Variants in CNKSR3 observed in about 807,000 individuals in gnomAD.
The protein encoded by CNKSR3 is connector enhancer of kinase suppressor of ras 3.
In CNKSR3, 36 loss-of-function variants were observed where a neutral mutation model predicts 67.7. The ratio of observed to expected loss-of-function variants is 0.53; its 90% CI spans 0.41 to 0.70. The LOEUF is 0.70. Ranked by LOEUF, CNKSR3 falls within the 30% of genes least tolerant of loss-of-function variation. CNKSR3 has a pLI of 0.00. For missense variants in CNKSR3, 630 were observed against 695.2 expected (o/e 0.91, Z 1.05); for synonymous variants, 281 against 271.4 (o/e 1.04, Z -0.35).
intron 1 of CNKSR3, among the ~76,000 whole-genome samples, chr6:154,506,679 A>G (rs6557363): frequency 0.2 from 30,462 of 152,176 alleles, 3,190 homozygotes; most frequent in African/African-American, 0.24. Flanking sequence ...ATGGAACCCC[A>G]ATTTGGTTAA....
Position 154,492,766 on chromosome 6 carries a change from CA to C in CNKSR3, c.52+17296del, listed in dbSNP as rs1296625664. On this transcript the variant is annotated intron_variant, in intron 1 of 12. Coordinates refer to ENST00000607772, the MANE Select transcript of CNKSR3 (RefSeq NM_173515.4). ...GTCTCAAAAAAAAAAAAACAAAAAA[CA>C]AAAAAAAAAACAACACAGATCTTTC... is the stretch of plus-strand genomic sequence containing the variant. Among the ~76,000 whole-genome samples the C allele has an allele frequency of 6.3e-3, 882 of 140,470 alleles. 5 individuals carry two copies. The highest frequency in any genetic ancestry group is 9.2e-3 in the Non-Finnish European group (593 of 64,410). 92.2% of individuals were successfully genotyped at this position (140,470 alleles called of 152,430 possible).
chr6:154,482,552 TAA>T (rs575294975), intron 1 of CNKSR3, among the ~76,000 whole-genome samples: 110 of 152,362 alleles, frequency 7.2e-4, no homozygotes, highest in African/African-American at 2.5e-3. Context: ...GAGAAATCGT[TAA>T]GACAGTATTC....
chr6:154,406,565 C>T lies in CNKSR3; in HGVS notation c.1457G>A (p.Arg486Lys). Residue 486 changes from arginine (R) to lysine (K), a missense_variant, in exon 13 of 13, where the codon AGA becomes AAA. By Grantham distance (26) the Arg-to-Lys change is conservative. Transcript: ENST00000607772. ...GACCAGATGCCGCTCGGTCGTGGGT[C>T]TGGAGAACCGGTATGGGGGAGAGGA... The part of the protein sequence containing the change: ...ESSSPPYRFS[R>K]PTTERHLVRG... The T allele has an allele frequency of 6.2e-7, 1 of 1,614,200 alleles. No homozygotes were observed.
At chr6:154,465,095 C>T (rs188534151) in intron 1 of CNKSR3, among the ~76,000 whole-genome samples, 7 of 132,090 alleles carry the variant, frequency 5.3e-5, no homozygotes, top group Admixed American at 2.6e-4. Context: ...GAGCTGCGAT[C>T]GTGCCATTGC....
chr6:154,497,034 C>T (rs866205071), intron 1 of CNKSR3, among the ~76,000 whole-genome samples: 1 of 151,902 alleles, frequency 6.6e-6, no homozygotes, highest in Non-Finnish European at 1.5e-5. Flanking sequence ...ATTGTGAAGG[C>T]GAAATGAGAT....
intron 3 of CNKSR3, among the ~76,000 whole-genome samples, chr6:154,441,670 T>C (rs75045626): frequency 0.012 from 1,831 of 152,258 alleles, 37 homozygotes; most frequent in African/African-American, 0.041. Flanking sequence ...TAAATTAGTT[T>C]TTATTTAACT....
intron 1 of CNKSR3, among the ~76,000 whole-genome samples, chr6:154,465,272 G>A (rs778489054): frequency 1.3e-5 from 2 of 151,596 alleles, no homozygotes; most frequent in Non-Finnish European, 2.9e-5. Context: ...CAATAGGGTC[G>A]ATCTATCTTA....
chr6:154,451,786 G>A (rs1028013024), intron 1 of CNKSR3, among the ~76,000 whole-genome samples: 3 of 152,128 alleles, frequency 2.0e-5, no homozygotes, highest in African/African-American at 7.2e-5. Flanking sequence ...ATAGGAAGAG[G>A]AAGTAATAAA....
In CNKSR3 at chr6:154,450,156, C is replaced by T. The variant is rs774206603; in HGVS notation, c.155G>A (p.Gly52Glu). 1.9e-6 allele frequency: 3 copies of T among 1,614,146 alleles called. No homozygotes were observed. The highest frequency in any genetic ancestry group is 2.5e-6 in the Non-Finnish European group (3 of 1,180,012). ...CTCCTGGTGTCCAATCCGTGTGACC[C>T]CCAGCTCCTCCAGGTCCTGATGGGA... is the stretch of plus-strand genomic sequence containing the variant. ...QISHQDLEELGVTRIGHQELV... is the reference protein window; with the variant it reads ...QISHQDLEELEVTRIGHQELV... The change falls in exon 2 of 13, where the codon GGG becomes GAG. Residue 52 changes from glycine (G) to glutamate (E), a missense_variant. Around this residue, in one of 3 missense-constraint regions of CNKSR3, gnomAD observed 189 missense variants for 205.0 expected, o/e 0.92. Transcript: ENST00000607772.
chr6:154,395,134 C>T lies in CNKSR3; in HGVS notation c.*11220G>A, dbSNP rs1784646441. Reference sequence around the variant, plus strand: ...TCCTGGCAAGCTTAGGACGCGTGCTCCCCCTGCAAGGAGAGAAGGAAAAAG... The same window carrying T: ...TCCTGGCAAGCTTAGGACGCGTGCTTCCCCTGCAAGGAGAGAAGGAAAAAG... On this transcript the variant is annotated 3_prime_UTR_variant, in exon 13 of 13. Transcript: ENST00000607772. 6.6e-6 allele frequency: 1 copy of T among 152,192 alleles called. No homozygotes were observed. The highest frequency in any genetic ancestry group is 2.4e-5 in the African/African-American group (1 of 41,426). The allele number at this position is 152,192 out of a possible 1,614,324, so 9.4% of individuals were successfully genotyped here.
rs1784714937 is a variant in CNKSR3 at position 154,401,251 on chromosome 6, T to C, written c.*5103A>G. 6.6e-6 allele frequency: 1 copy of C among 152,212 alleles called. No homozygotes were observed. Among genetic ancestry groups the C allele is most frequent in the Admixed American group, 6.5e-5 (1 of 15,280 alleles). The allele number at this position is 152,212 out of a possible 1,614,324, so 9.4% of individuals were successfully genotyped here. ...CAATGGTATTAGGAGGCGGAGCTAATACCATAAGTGGGCCTTTGGGAAGTG... is the reference window on the plus strand; with the variant it reads ...CAATGGTATTAGGAGGCGGAGCTAACACCATAAGTGGGCCTTTGGGAAGTG... On this transcript the variant is annotated 3_prime_UTR_variant, in exon 13 of 13. Transcript: ENST00000607772.
intron 1 of CNKSR3, among the ~76,000 whole-genome samples, chr6:154,470,607 G>A (rs2114626721): frequency 6.6e-6 from 1 of 152,252 alleles, no homozygotes; most frequent in African/African-American, 2.4e-5. Context: ...GTTGCAGCCT[G>A]CACCAGTACT....
Position 154,403,926 on chromosome 6 carries a change from A to G in CNKSR3, c.*2428T>C, listed in dbSNP as rs1273145314. 1 of 152,236 alleles carries G rather than the reference A, an allele frequency of 6.6e-6. No homozygotes were observed. Among genetic ancestry groups the G allele is most frequent in the African/African-American group, 2.4e-5 (1 of 41,460 alleles). The allele number at this position is 152,236 out of a possible 1,614,324, so 9.4% of individuals were successfully genotyped here. A position where few individuals can be genotyped will look rare whatever the true frequency, so the allele number is the denominator to read the frequency against. Reference sequence around the variant, plus strand: ...ATCATCCAGTGGAACTACAGCTCTTAGAGTTCTCCCCACAATCTGGGGAGT... The same window carrying G: ...ATCATCCAGTGGAACTACAGCTCTTGGAGTTCTCCCCACAATCTGGGGAGT... On this transcript the variant is annotated 3_prime_UTR_variant, in exon 13 of 13. Coordinates refer to ENST00000607772, the MANE Select transcript of CNKSR3 (RefSeq NM_173515.4).
chr6:154,454,834 AT>A (rs1452544859), intron 1 of CNKSR3, among the ~76,000 whole-genome samples: 4 of 151,894 alleles, frequency 2.6e-5, no homozygotes, highest in Non-Finnish European at 4.4e-5. Flanking sequence ...AAAAAAAAAA[AT>A]AATAATAAAA....
rs1311683244 is a variant in CNKSR3 at position 154,394,038 on chromosome 6, G to A, written c.*12316C>T. 1 of 152,162 alleles carries A rather than the reference G, an allele frequency of 6.6e-6. No homozygotes were observed. Among genetic ancestry groups the A allele is most frequent in the Non-Finnish European group, 1.5e-5 (1 of 68,046 alleles). The allele number at this position is 152,162 out of a possible 1,614,324, so 9.4% of individuals were successfully genotyped here. A position where few individuals can be genotyped will look rare whatever the true frequency, so the allele number is the denominator to read the frequency against. On this transcript the variant is annotated 3_prime_UTR_variant, in exon 13 of 13. Coordinates refer to ENST00000607772, the MANE Select transcript of CNKSR3 (RefSeq NM_173515.4). ...GATTGTCATTTCTTTTCTTTTGTGA[G>A]ATGAGGGTTTTGCTTTGTCATCCAG...
chr6:154,406,097 T>C lies in CNKSR3; in HGVS notation c.*257A>G. On this transcript the variant is annotated 3_prime_UTR_variant, in exon 13 of 13. Transcript: ENST00000607772. Reference sequence around the variant, plus strand: ...TTCTAGCGCGTGTCTTCACATTCTATCTCTGGGGAAGCAAGACAAACAGGC... The same window carrying C: ...TTCTAGCGCGTGTCTTCACATTCTACCTCTGGGGAAGCAAGACAAACAGGC... The C allele has an allele frequency of 6.3e-6, 3 of 473,116 alleles. 1 individual carries two copies. The South Asian group carries it at 8.4e-5, about 13-fold the overall frequency. 29.3% of individuals were successfully genotyped at this position (473,116 alleles called of 1,614,324 possible).
intron 7 of CNKSR3, among the ~76,000 whole-genome samples, chr6:154,425,437 G>T (rs1785236293): frequency 6.6e-6 from 1 of 152,172 alleles, no homozygotes; most frequent in African/African-American, 2.4e-5. Context: ...CCAAAATTCT[G>T]CCCAGGGCAG....
At chr6:154,435,759 C>A (rs1208871472) in intron 4 of CNKSR3, among the ~76,000 whole-genome samples, 4 of 152,254 alleles carry the variant, frequency 2.6e-5, no homozygotes, top group Admixed American at 2.6e-4. Flanking sequence ...AGAGGCCCAG[C>A]CTGGGTGGCA....
chr6:154,430,560 G>T lies in CNKSR3; in HGVS notation c.581C>A (p.Thr194Lys). 1 of 1,611,816 alleles carries T rather than the reference G, an allele frequency of 6.2e-7. No individual in the cohort carries two copies. The highest frequency in any genetic ancestry group is 8.5e-7 in the Non-Finnish European group (1 of 1,179,206). ...VKVLNGICDK[T>K]IRSTTDPVMS... is the part of the protein sequence containing the mutation. ...CACAGGATCTGTGGTAGATCGGATT[G>T]TTTTGTCACAGATGCCATTTAAAAC... The change falls in exon 6 of 13, where the codon ACA becomes AAA. Residue 194 changes from threonine (T) to lysine (K), a missense_variant. By Grantham distance (78) the Thr-to-Lys change is moderately conservative (BLOSUM62 -1). Coordinates refer to ENST00000607772, the MANE Select transcript of CNKSR3 (RefSeq NM_173515.4).
Sources: gnomAD v4.1 joint callset for allele counts (sites outside exome capture counted in the v4.1 genomes callset) on GRCh38, gnomAD v4.1.1 for gene constraint, gnomAD v4.1.1 regional missense constraint, MANE v1.5 for transcripts, NCBI Gene and HGNC (gene_info 2026-07-23, HGNC 2026-07-21) for gene names.